TASP1: variants seen among roughly 807,000 people sequenced by gnomAD.
TASP1 encodes threonine aspartase 1.
Under a neutral mutation model 56.6 loss-of-function variants are expected in TASP1, and 16 were observed. The observed-to-expected ratio is 0.28, with a 90% CI of 0.19 to 0.43. TASP1 has a LOEUF of 0.43. Ranked by LOEUF, TASP1 falls within the 20% of genes least tolerant of loss-of-function variation. TASP1 has a pLI of 1.00. For missense variants in TASP1, 393 were observed against 511.6 expected (o/e 0.77, Z 2.24); for synonymous variants, 179 against 184.2 (o/e 0.97, Z 0.23).
At chr20:13,260,920 C>T in the TASP1 span, among the ~76,000 whole-genome samples, 2 of 152,192 alleles carry the variant, frequency 1.3e-5, no homozygotes, top group Non-Finnish European at 2.9e-5. Flanking sequence ...CAGTCTCCAT[C>T]TGAGTGACTG....
At chr20:13,275,683 A>G in the TASP1 span, among the ~76,000 whole-genome samples, 1 of 152,372 alleles carries the variant, frequency 6.6e-6, no homozygotes, top group Admixed American at 6.5e-5. Flanking sequence ...ATCTGTGAGG[A>G]TTCAATGAGA....
At chr20:13,417,646 G>T in intron 12 of TASP1, 125 bp from the exon 13 acceptor site, 1 of 968,086 alleles carries the variant, frequency 1.0e-6, no homozygotes, top group Non-Finnish European at 1.5e-6. Context: ...CTTTCCATTT[G>T]CTTGTTCATA....
chr20:13,621,726 T>G (rs1423879281), intron 4 of TASP1, among the ~76,000 whole-genome samples: 1 of 152,136 alleles, frequency 6.6e-6, no homozygotes, highest in Non-Finnish European at 1.5e-5. Flanking sequence ...TAGGGGAAAA[T>G]AGAATGAAAT....
At chr20:13,599,164 G>C (rs913992043) in intron 4 of TASP1, among the ~76,000 whole-genome samples, 14 of 152,086 alleles carry the variant, frequency 9.2e-5, no homozygotes, top group Non-Finnish European at 1.8e-4. Flanking sequence ...TTGACCCAGC[G>C]ATCCCATTAC....
the TASP1 span, among the ~76,000 whole-genome samples, chr20:13,266,270 A>C: frequency 1.3e-5 from 2 of 152,220 alleles, no homozygotes; most frequent in Non-Finnish European, 2.9e-5. Context: ...ATGTAAGGCA[A>C]AATGCTAGGC....
the TASP1 span, among the ~76,000 whole-genome samples, chr20:13,158,993 T>C: frequency 6.6e-6 from 1 of 152,208 alleles, no homozygotes; most frequent in Non-Finnish European, 1.5e-5. Flanking sequence ...TTTACCTCAC[T>C]TATGGGTAAA....
chr20:13,172,637 G>C, the TASP1 span, among the ~76,000 whole-genome samples: 1 of 152,090 alleles, frequency 6.6e-6, no homozygotes, highest in Non-Finnish European at 1.5e-5. Flanking sequence ...ACAAAGCACT[G>C]CCTTCAGAAT....
chr20:13,559,517 T>G (rs1353448005), intron 7 of TASP1, among the ~76,000 whole-genome samples: 1 of 152,044 alleles, frequency 6.6e-6, no homozygotes, highest in African/African-American at 2.4e-5. Flanking sequence ...ATATTCCCAG[T>G]GAATGGGCAA....
At chr20:13,204,749 A>G in the TASP1 span, among the ~76,000 whole-genome samples, 1 of 152,150 alleles carries the variant, frequency 6.6e-6, no homozygotes, top group Non-Finnish European at 1.5e-5. Context: ...GTATGAAGTA[A>G]CTGCCAATTT....
the TASP1 span, among the ~76,000 whole-genome samples, chr20:13,264,230 A>AT: frequency 2.6e-5 from 4 of 152,196 alleles, no homozygotes; most frequent in Non-Finnish European, 5.9e-5. Context: ...AGTCTGCCTG[A>AT]TTGTGTTAAT....
Position 13,414,326 on chromosome 20 carries a change from C to A in TASP1, c.1170+3122G>T, listed in dbSNP as rs1047388694. Among the ~76,000 whole-genome samples, 4 of 152,272 alleles carry A rather than the reference C, an allele frequency of 2.6e-5. No individual in the cohort carries two copies. The East Asian group carries it at 7.7e-4, about 29-fold the overall frequency. On this transcript the variant is annotated intron_variant, in intron 13 of 13. Coordinates refer to ENST00000337743, the MANE Select transcript of TASP1 (RefSeq NM_017714.3). ...ATACTGTATCCTCAAGTTATCATAG[C>A]CAGAGGCACATATTGTCCATCTGCC...
the TASP1 span, among the ~76,000 whole-genome samples, chr20:13,302,736 C>G: frequency 6.6e-6 from 1 of 152,302 alleles, no homozygotes; most frequent in Admixed American, 6.5e-5. Flanking sequence ...TTGCCTTCCC[C>G]TGGAAAGAGA....
intron 9 of TASP1, among the ~76,000 whole-genome samples, chr20:13,531,667 C>G (rs981258043): frequency 4.0e-5 from 6 of 151,296 alleles, no homozygotes; most frequent in African/African-American, 1.5e-4. Context: ...AATTTTTGTT[C>G]TGTTTTGTTT....
chr20:13,528,905 G>C (rs1456303587), intron 9 of TASP1, among the ~76,000 whole-genome samples: 1 of 152,072 alleles, frequency 6.6e-6, no homozygotes, highest in African/African-American at 2.4e-5. Context: ...GGAGCTTACT[G>C]ATAAGAACCC....
intron 11 of TASP1, among the ~76,000 whole-genome samples, chr20:13,471,432 T>A (rs779832056): frequency 6.6e-6 from 1 of 152,198 alleles, no homozygotes; most frequent in African/African-American, 2.4e-5. Flanking sequence ...GACATTCCTA[T>A]AATTTCTTAT....
chr20:13,221,285 C>A, the TASP1 span, among the ~76,000 whole-genome samples: 593 of 147,716 alleles, frequency 4.0e-3, 8 homozygotes, highest in African/African-American at 0.014. Flanking sequence ...TCCTCCTCCT[C>A]CCCGCGCTTC....
At chr20:13,355,032 A>G in the TASP1 span, among the ~76,000 whole-genome samples, 1 of 152,182 alleles carries the variant, frequency 6.6e-6, no homozygotes, top group Non-Finnish European at 1.5e-5. Context: ...AATTTAGCTC[A>G]AGATTGTGAT....
At chr20:13,436,683 C>T (rs1223421951) in intron 11 of TASP1, among the ~76,000 whole-genome samples, 1 of 152,068 alleles carries the variant, frequency 6.6e-6, no homozygotes, top group Non-Finnish European at 1.5e-5. Flanking sequence ...AGTGAAATAA[C>T]CAGCTCCCAG....
the TASP1 span, among the ~76,000 whole-genome samples, chr20:13,111,017 C>T: frequency 6.6e-6 from 1 of 151,914 alleles, no homozygotes; most frequent in African/African-American, 2.4e-5. Context: ...ATTTTTTCTG[C>T]TGCATGAGTG....
Sources: gnomAD v4.1 joint callset for allele counts (sites outside exome capture counted in the v4.1 genomes callset) on GRCh38, gnomAD v4.1.1 for gene constraint, MANE v1.5 for transcripts, NCBI Gene and HGNC (gene_info 2026-07-23, HGNC 2026-07-21) for gene names.